The following CPZ variants were observed in gnomAD, a reference collection of about 807,000 sequenced individuals.
CPZ encodes carboxypeptidase Z, also known as VEZT/CPZ fusion.
A neutral mutation model predicts 61.8 loss-of-function variants in CPZ; 103 were observed. The ratio of observed to expected loss-of-function variants is 1.67; its 90% CI spans 1.42 to 1.96. The LOEUF (loss-of-function observed/expected upper bound fraction) is 1.96. CPZ is among the 30% of genes most tolerant of loss of function. CPZ has a pLI of 0.00. For missense variants in CPZ, 1,461 were observed against 914.9 expected, an observed-to-expected ratio of 1.60 and a Z score of -7.70; for synonymous variants, 551 against 373.7, an observed-to-expected ratio of 1.47 and a Z score of -5.47.
intron 8 of CPZ, 149 bp from the exon 9 acceptor site, chr4:8,614,210 G>A (rs959628471): frequency 1.9e-6 from 2 of 1,051,670 alleles, no homozygotes; most frequent in Admixed American, 2.7e-5. Flanking sequence ...TGCCTGCTGG[G>A]CACTTGGCTG....
intron 8 of CPZ, among the ~76,000 whole-genome samples, chr4:8,612,665 G>A (rs1311529040): frequency 2.6e-5 from 4 of 152,172 alleles, no homozygotes; most frequent in African/African-American, 4.8e-5. Context: ...TGCTAAATTT[G>A]CCCTTGGGGA....
At position 8,592,890 on chromosome 4, in the gene CPZ, GC is replaced by G; in HGVS notation, c.59del (p.Pro20ArgfsTer63). The G allele has an allele frequency of 6.5e-7, 1 of 1,533,964 alleles. No individual in the cohort carries two copies. The part of the protein sequence containing the change: ...LTVLVVAAAR[P>X]GCEFERNPAG... ...CAGTCCTGGTCGTCGCCGCTGCCCG[GC>G]CGGGGTGCGAGTTTGAGCGGAACCC... On this transcript the variant is annotated frameshift_variant, in exon 1 of 11. Coordinates refer to ENST00000360986, the MANE Select transcript of CPZ (RefSeq NM_001014447.3). LOFTEE classifies it high-confidence loss of function.
chr4:8,618,245 G>A lies in CPZ; in HGVS notation c.1504-184G>A. 1.2e-5 allele frequency: 7 copies of A among 604,198 alleles called. No homozygotes were observed. The South Asian group carries it at 1.4e-4, about 12-fold the overall frequency. 37.4% of individuals were successfully genotyped at this position (604,198 alleles called of 1,614,324 possible). ...GGTCAATTGCCAGGGAGGAAACTGA[G>A]GCCCAGAGAGGGGAGTGACTGACTC... On this transcript the variant is annotated intron_variant, in intron 9 of 10. Transcript: ENST00000360986.
chr4:8,599,452 G>C lies in CPZ; in HGVS notation c.89-1G>C. 6.2e-7 allele frequency: 1 copy of C among 1,610,254 alleles called. No individual in the cohort carries two copies. The highest frequency in any genetic ancestry group is 1.1e-5 in the South Asian group (1 of 90,542). On this transcript the variant is annotated splice_acceptor_variant, in intron 1 of 10. Transcript: ENST00000360986. LOFTEE classifies it high-confidence loss of function. ...TAACAGTGCCATGTCTCTCTTTCCA[G>C]GTGAATGCCACAGGCCACCAGCTGC...
At chr4:8,613,556 A>T (rs1314791584) in intron 8 of CPZ, among the ~76,000 whole-genome samples, 1 of 152,220 alleles carries the variant, frequency 6.6e-6, no homozygotes, top group Non-Finnish European at 1.5e-5. Flanking sequence ...CAGCAGCTGC[A>T]GGCTCTGCGG....
chr4:8,600,764 C>T (rs560824862), intron 2 of CPZ, among the ~76,000 whole-genome samples: 12 of 152,384 alleles, frequency 7.9e-5, no homozygotes, highest in African/African-American at 2.4e-4. Context: ...CTTTGTGCTG[C>T]GGCTGTGGCT....
At chr4:8,608,036 C>G (rs903818915) in intron 7 of CPZ, among the ~76,000 whole-genome samples, 1 of 150,340 alleles carries the variant, frequency 6.7e-6, no homozygotes, top group African/African-American at 2.4e-5. Context: ...AACCTTAGGA[C>G]GACCTGCTGG....
At position 8,592,965 on chromosome 4, in the gene CPZ, A is replaced by G. The variant is rs944749433; in HGVS notation, c.88+44A>G. The G allele has an allele frequency of 3.5e-6, 5 of 1,410,100 alleles. No homozygotes were observed. The South Asian group carries it at 3.8e-5, about 11-fold the overall frequency. The allele number at this position is 1,410,100 out of a possible 1,614,324, so 87.3% of individuals were successfully genotyped here. On this transcript the variant is annotated intron_variant, in intron 1 of 10. Transcript: ENST00000360986. ...CCCACCCTCCACCCTCCACCCTGCA[A>G]CCTCTGGGGAGTGTGATCCGTCGCT... is the stretch of plus-strand genomic sequence containing the variant.
intron 8 of CPZ, among the ~76,000 whole-genome samples, chr4:8,613,448 G>A (rs1715885944): frequency 6.6e-6 from 1 of 152,176 alleles, no homozygotes; most frequent in South Asian, 2.1e-4. Context: ...TCTTGCCCCT[G>A]ATACGGCCCT....
In CPZ at chr4:8,606,800, A is replaced by T; in HGVS notation, c.970A>T (p.Asn324Tyr). The T allele has an allele frequency of 6.2e-7, 1 of 1,614,114 alleles. No individual in the cohort carries two copies. Among genetic ancestry groups the T allele is most frequent in the Non-Finnish European group, 8.5e-7 (1 of 1,180,022 alleles). Residue 324 changes from asparagine to tyrosine, a missense_variant, in exon 6 of 11, where the codon AAT (asparagine) becomes TAT (tyrosine). Physicochemically the swap from Asn to Tyr is moderately radical, Grantham distance 143. Coordinates refer to ENST00000360986, the MANE Select transcript of CPZ (RefSeq NM_001014447.3). ...QNAQNLDLNR[N>Y]FPDLTSEYYR... ...CGCGCAGAACCTGGATCTGAACCGAAATTTCCCGGACCTGACGTCCGAGTA... is the reference window on the plus strand; with the variant it reads ...CGCGCAGAACCTGGATCTGAACCGATATTTCCCGGACCTGACGTCCGAGTA...
intron 6 of CPZ, 99 bp from the exon 7 acceptor site, chr4:8,607,168 C>A (rs774102876): frequency 1.4e-6 from 2 of 1,397,660 alleles, no homozygotes; most frequent in Non-Finnish European, 1.9e-6. Context: ...CGTTAATAGT[C>A]TGCACCATTG....
intron 7 of CPZ, among the ~76,000 whole-genome samples, chr4:8,609,187 T>TTCACTCAC (rs1166678075): frequency 9.0e-6 from 1 of 110,520 alleles, no homozygotes; most frequent in Admixed American, 8.3e-5. Context: ...CACTCAGGCA[T>TTCACTCAC]TCACTCACTC....
At chr4:8,611,292 G>C (rs1560300051) in intron 7 of CPZ, 1 of 456,190 alleles carries the variant, frequency 2.2e-6, no homozygotes, top group East Asian at 7.0e-5. Context: ...CTTACAGACG[G>C]CCCAGAGCCC....
chr4:8,615,824 G>A (rs953987201), intron 9 of CPZ, among the ~76,000 whole-genome samples: 1 of 152,180 alleles, frequency 6.6e-6, no homozygotes, highest in Non-Finnish European at 1.5e-5. Flanking sequence ...CTCCAAGTAA[G>A]AATCGAGCGA....
At chr4:8,611,945 C>T (rs1050534119) in intron 7 of CPZ, 82 bp from the exon 8 acceptor site, 4 of 1,598,918 alleles carry the variant, frequency 2.5e-6, no homozygotes, top group East Asian at 2.2e-5. Context: ...TTTGCACGCG[C>T]AGCTCCTCCC....
Position 8,601,417 on chromosome 4 carries a change from C to A in CPZ, c.416C>A (p.Ala139Asp). 1 of 1,574,996 alleles carries A rather than the reference C, an allele frequency of 6.3e-7. No homozygotes were observed. The highest frequency in any genetic ancestry group is 8.6e-7 in the Non-Finnish European group (1 of 1,158,926). The change falls in exon 3 of 11, where the codon GCC (alanine) becomes GAC (aspartate). Residue 139 changes from alanine (A) to aspartate (D), a missense_variant. Physicochemically the swap from Ala to Asp is moderately radical, Grantham distance 126. Coordinates refer to ENST00000360986, the MANE Select transcript of CPZ (RefSeq NM_001014447.3). ...CQPAFDAIDM[A>D]WPYFLDCHRY... Reference sequence around the variant, plus strand: ...CCCGCCTTCGACGCCATTGACATGGCCTGGCCCTACTTCCTTGACTGCCAC... The same window carrying A: ...CCCGCCTTCGACGCCATTGACATGGACTGGCCCTACTTCCTTGACTGCCAC...
At chr4:8,612,446 G>T (rs1226282518) in intron 8 of CPZ, among the ~76,000 whole-genome samples, 1 of 152,192 alleles carries the variant, frequency 6.6e-6, no homozygotes, top group Non-Finnish European at 1.5e-5. Context: ...ATACCTTTGT[G>T]ACATTAGGGA....
chr4:8,609,118 CCTCA>C (rs1553877607), intron 7 of CPZ, among the ~76,000 whole-genome samples: 2 of 77,416 alleles, frequency 2.6e-5, no homozygotes, highest in South Asian at 3.5e-4. Context: ...TTCCTCACTC[CCTCA>C]CTCATTCACT....
chr4:8,614,829 G>T (rs922903664), intron 9 of CPZ, among the ~76,000 whole-genome samples: 1 of 152,140 alleles, frequency 6.6e-6, no homozygotes, highest in African/African-American at 2.4e-5. Context: ...CAGAGGCTGG[G>T]GGGGCTTCCT....
Sources: gnomAD v4.1 joint callset for allele counts (sites outside exome capture counted in the v4.1 genomes callset) on GRCh38, gnomAD v4.1.1 for gene constraint, MANE v1.5 for transcripts, NCBI Gene and HGNC (gene_info 2026-07-23, HGNC 2026-07-21) for gene names.